The following IQGAP2 variants were observed in gnomAD, a reference collection of about 807,000 sequenced individuals.
The protein encoded by IQGAP2 is ras GTPase-activating-like protein IQGAP2.
Under a neutral mutation model 201.3 loss-of-function variants are expected in IQGAP2, and 173 were observed. That is an observed-to-expected ratio of 0.86 (90% CI 0.76 to 0.98). IQGAP2 has a LOEUF of 0.98. IQGAP2 is among the 50% of genes least tolerant of loss of function. IQGAP2 has a pLI of 0.00. For missense variants in IQGAP2, 1,687 were observed against 1,864.8 expected (o/e 0.90, Z 1.76); for synonymous variants, 675 against 673.9 (o/e 1.00, Z -0.03).
intron 5 of IQGAP2, among the ~76,000 whole-genome samples, chr5:76,580,081 G>A (rs974576398): frequency 6.6e-6 from 1 of 151,806 alleles, no homozygotes; most frequent in Non-Finnish European, 1.5e-5. Context: ...TTTAAGATCA[G>A]CCTGGCCATG....
intron 5 of IQGAP2, among the ~76,000 whole-genome samples, chr5:76,583,154 G>A (rs1026939655): frequency 6.6e-6 from 1 of 152,210 alleles, no homozygotes; most frequent in African/African-American, 2.4e-5. Context: ...CATGAGATTG[G>A]CACTTTTTCT....
intron 22 of IQGAP2, among the ~76,000 whole-genome samples, chr5:76,668,041 G>A (rs148380677): frequency 1.3e-5 from 2 of 151,732 alleles, no homozygotes; most frequent in African/African-American, 4.8e-5. Context: ...CACCACACCC[G>A]GCTAATTTAT....
intron 13 of IQGAP2, among the ~76,000 whole-genome samples, chr5:76,620,431 C>T (rs1749533692): frequency 6.6e-6 from 1 of 152,074 alleles, no homozygotes; most frequent in Admixed American, 6.5e-5. Context: ...GGTTTCTACT[C>T]TAGATGACTT....
intron 13 of IQGAP2, among the ~76,000 whole-genome samples, chr5:76,627,209 A>C (rs1750325827): frequency 6.6e-6 from 1 of 152,100 alleles, no homozygotes; most frequent in Non-Finnish European, 1.5e-5. Flanking sequence ...GGCTGGACTA[A>C]AGAGTGGTGG....
At position 76,454,291 on chromosome 5, in the gene IQGAP2, T is replaced by TA. The variant is rs997826588; in HGVS notation, c.47-7279_47-7278insA. 1.2e-3 allele frequency among the ~76,000 whole-genome samples: 186 copies of TA among 152,062 alleles called. 3 individuals are homozygous for TA. The South Asian group carries it at 0.027, about 22-fold the overall frequency. Reference sequence around the variant, plus strand: ...AAAAAAGAAATTAGATATATATATATTTTTTAATTATTATTATACTTTAAG... The same window carrying TA: ...AAAAAAGAAATTAGATATATATATATATTTTTAATTATTATTATACTTTAAG... On this transcript the variant is annotated intron_variant, in intron 1 of 35. Transcript: ENST00000274364.
At chr5:76,467,077 C>G (rs1308858670) in intron 2 of IQGAP2, among the ~76,000 whole-genome samples, 2 of 152,030 alleles carry the variant, frequency 1.3e-5, no homozygotes, top group East Asian at 1.9e-4. Context: ...ATGGTGAAAC[C>G]CCATCGCTAC....
At chr5:76,681,325 C>G (rs540265858) in intron 28 of IQGAP2, among the ~76,000 whole-genome samples, 1 of 151,906 alleles carries the variant, frequency 6.6e-6, no homozygotes, top group Admixed American at 6.6e-5. Context: ...AATCACATGT[C>G]TGGTAAAGGG....
chr5:76,701,265 T>G (rs774419918), intron 34 of IQGAP2, 52 bp downstream of exon 34: 133 of 1,589,208 alleles, frequency 8.4e-5, no homozygotes, highest in Non-Finnish European at 1.1e-4. Context: ...TGATTTCTTG[T>G]GGCCTTGGAG....
intron 2 of IQGAP2, among the ~76,000 whole-genome samples, chr5:76,515,312 T>C (rs974992669): frequency 6.6e-6 from 1 of 152,250 alleles, no homozygotes; most frequent in African/African-American, 2.4e-5. Flanking sequence ...TTTACATTCT[T>C]TGAAGATTGA....
At position 76,456,433 on chromosome 5, in the gene IQGAP2, T is replaced by C. The variant is rs569953348; in HGVS notation, c.47-5137T>C. Among the ~76,000 whole-genome samples, 3 of 152,334 alleles carry C rather than the reference T, an allele frequency of 2.0e-5. No homozygotes were observed. The East Asian group carries it at 5.8e-4, about 29-fold the overall frequency. ...TGTGAAATACTTTTGGAAGCTGGTA[T>C]GAAGCAGGAATGTACCACGGGTCAA... On this transcript the variant is annotated intron_variant, in intron 1 of 35. Coordinates refer to ENST00000274364, the MANE Select transcript of IQGAP2 (RefSeq NM_006633.5).
In IQGAP2 at chr5:76,678,164, C is replaced by T. The variant is rs902527341; in HGVS notation, c.3660+814C>T. On this transcript the variant is annotated intron_variant, in intron 28 of 35. Transcript: ENST00000274364. ...ACATAAAGTGGTAATAAACAGGCTA[C>T]GCAACGAAAACAAGAAACTACCACC... 7.2e-5 allele frequency among the ~76,000 whole-genome samples: 11 copies of T among 152,064 alleles called. No individual in the cohort carries two copies. The East Asian group carries it at 1.7e-3, about 24-fold the overall frequency.
chr5:76,701,388 A>G (rs10063791), intron 34 of IQGAP2, among the ~76,000 whole-genome samples, 175 bp downstream of exon 34: 57,329 of 152,140 alleles, frequency 0.38, 11,128 homozygotes, highest in African/African-American at 0.47. Flanking sequence ...TGGTGCTGTC[A>G]GTCATATGTA....
At chr5:76,677,627 C>A in intron 28 of IQGAP2, 1 of 249,990 alleles carries the variant, frequency 4.0e-6, no homozygotes, top group Non-Finnish European at 7.6e-6. Flanking sequence ...TGGCATAATC[C>A]ATTTACAAAG....
At chr5:76,617,983 T>C (rs778790758) in intron 13 of IQGAP2, 3 of 1,614,038 alleles carry the variant, frequency 1.9e-6, no homozygotes, top group Non-Finnish European at 2.5e-6. Context: ...CAGGTGGTGA[T>C]GTCTGGCTGA....
chr5:76,520,327 C>T (rs183272017), intron 2 of IQGAP2, among the ~76,000 whole-genome samples: 1 of 152,194 alleles, frequency 6.6e-6, no homozygotes, highest in Non-Finnish European at 1.5e-5. Context: ...TGTCAAAAAC[C>T]AGTTGACCAT....
At chr5:76,641,672 C>T (rs1751596368) in intron 17 of IQGAP2, among the ~76,000 whole-genome samples, 1 of 152,118 alleles carries the variant, frequency 6.6e-6, no homozygotes, top group Non-Finnish European at 1.5e-5. Flanking sequence ...GGAGAATTTG[C>T]CAGGTTTAGA....
At chr5:76,426,551 G>C (rs148338145) in intron 1 of IQGAP2, among the ~76,000 whole-genome samples, 236 of 152,300 alleles carry the variant, frequency 1.5e-3, no homozygotes, top group African/African-American at 5.3e-3. Context: ...ACAGTTGCTC[G>C]AGCTCTTCAA....
At chr5:76,547,620 T>C (rs1743176675) in intron 2 of IQGAP2, among the ~76,000 whole-genome samples, 8 of 152,152 alleles carry the variant, frequency 5.3e-5, no homozygotes. Context: ...TAAGTTGTTA[T>C]TTAGACCAAA....
In IQGAP2 at chr5:76,686,752, G is replaced by A. The variant is rs752485496; in HGVS notation, c.3905+2835G>A. Among the ~76,000 whole-genome samples, 33 of 152,006 alleles carry A rather than the reference G, an allele frequency of 2.2e-4. 1 individual carries two copies. In the South Asian group the frequency reaches 3.8e-3, roughly 17 times the overall value. ...TCTCCATCTCCTGACCTCATGATCC[G>A]CCCACCTCAGCCTCCCAAAGTGCTG... On this transcript the variant is annotated intron_variant, in intron 30 of 35. Transcript: ENST00000274364.
Sources: allele counts gnomAD v4.1 joint callset (sites outside exome capture counted in the v4.1 genomes callset), GRCh38; gene constraint gnomAD v4.1.1; transcripts MANE v1.5; gene names NCBI Gene and HGNC (gene_info 2026-07-23, HGNC 2026-07-21).